Variants in TF observed in about 807,000 individuals in gnomAD.
TF encodes transferrin.
Under a neutral mutation model 82.4 loss-of-function variants are expected in TF, and 55 were observed. The observed-to-expected ratio is 0.67, with a 90% CI of 0.54 to 0.84. The LOEUF (loss-of-function observed/expected upper bound fraction) is 0.84, where lower values mean the gene tolerates loss of function less well. Ranked by LOEUF, TF falls within the 40% of genes least tolerant of loss-of-function variation. The pLI, the probability that TF is intolerant of heterozygous loss-of-function variation, is 0.00. For synonymous variants in TF, 332 were observed against 332.6 expected (o/e 1.00, Z 0.02); for missense variants, 737 against 868.4 (o/e 0.85, Z 1.90).
chr3:133,728,486 C>T, the TF span, among the ~76,000 whole-genome samples: 1 of 152,248 alleles, frequency 6.6e-6, no homozygotes, highest in South Asian at 2.1e-4. Flanking sequence ...AGTTCTTGAG[C>T]CTTGGCTTTC....
At position 133,781,416 on chromosome 3, in the gene TF, T is replaced by C. The variant is rs1934514467; in HGVS notation, c.*2796T>C. 6.6e-6 allele frequency: 1 copy of C among 152,076 alleles called. No homozygotes were observed. The highest frequency in any genetic ancestry group is 2.4e-5 in the African/African-American group (1 of 41,446). 9.4% of individuals were successfully genotyped at this position (152,076 alleles called of 1,614,324 possible). On this transcript the variant is annotated 3_prime_UTR_variant, in exon 17 of 17. Coordinates refer to ENST00000402696, the MANE Select transcript of TF (RefSeq NM_001063.4). The stretch of plus-strand genomic sequence containing the variant: ...AATATTAAAATAAAAAATAACTTTC[T>C]TTTATACAAATAATAGTGAGTTAGG...
Position 133,766,434 on chromosome 3 carries a change from G to T in TF, c.1486+1G>T, listed in dbSNP as rs1934130107. ...AATAAGATCAACCACTGCAGATTTG[G>T]TGAGTGAATATTGGGAAGGAGGGCT... On this transcript the variant is annotated splice_donor_variant, in intron 12 of 16. Transcript: ENST00000402696. LOFTEE classifies it high-confidence loss of function. The T allele has an allele frequency of 1.2e-6, 2 of 1,614,058 alleles. No individual in the cohort carries two copies. The highest frequency in any genetic ancestry group is 1.3e-5 in the African/African-American group (1 of 74,934).
At chr3:133,774,590 C>G (rs1934339113) in intron 14 of TF, 1 of 152,602 alleles carries the variant, frequency 6.6e-6, no homozygotes. Context: ...TGGATGGAAA[C>G]TCGCAAATGT....
the TF span, among the ~76,000 whole-genome samples, chr3:133,716,419 A>G: frequency 6.6e-6 from 1 of 151,926 alleles, no homozygotes; most frequent in Admixed American, 6.6e-5. Flanking sequence ...TCTATTTTTC[A>G]TTTTGGAAAA....
the TF span, among the ~76,000 whole-genome samples, chr3:133,732,379 A>G: frequency 3.3e-5 from 5 of 152,178 alleles, no homozygotes; most frequent in Non-Finnish European, 7.3e-5. Context: ...CGGACCAATC[A>G]GCACTCTGTA....
upstream of TF, among the ~76,000 whole-genome samples, chr3:133,741,862 A>AT (rs1377209284): frequency 1.3e-5 from 2 of 152,092 alleles, no homozygotes; most frequent in African/African-American, 2.4e-5. Flanking sequence ...CATAGAAGTT[A>AT]TTTTTTTATC....
At chr3:133,693,326 G>T in the TF span, among the ~76,000 whole-genome samples, 1 of 151,540 alleles carries the variant, frequency 6.6e-6, no homozygotes, top group African/African-American at 2.4e-5. Flanking sequence ...GCAAGGAAAG[G>T]GTGACTGGGC....
In TF at chr3:133,746,412, T is replaced by G; in HGVS notation, c.-29T>G. On this transcript the variant is annotated 5_prime_UTR_variant, in exon 1 of 17. Transcript: ENST00000402696. Reference sequence around the variant, plus strand: ...GGCTGCACAGAAGCGAGTCCGACTGTGCTCGCTGCTCAGCGCCGCACCCGG... The same window carrying G: ...GGCTGCACAGAAGCGAGTCCGACTGGGCTCGCTGCTCAGCGCCGCACCCGG... The G allele has an allele frequency of 6.3e-7, 1 of 1,589,694 alleles. No individual in the cohort carries two copies. The highest frequency in any genetic ancestry group is 1.1e-5 in the South Asian group (1 of 87,580).
At position 133,757,794 on chromosome 3, in the gene TF, A is replaced by T; in HGVS notation, c.896A>T (p.Lys299Ile). Residue 299 changes from lysine to isoleucine, a missense_variant, in exon 8 of 17, where the codon AAA (lysine) becomes ATA (isoleucine). Physicochemically the swap from Lys to Ile is moderately radical, Grantham distance 102. Transcript: ENST00000402696. ...GAACATTTTGGCAAAGACAAATCAA[A>T]AGAATTCCAACTATTCAGCTCTCCT... Reference protein sequence around the residue: ...AQEHFGKDKSKEFQLFSSPHG... With the variant: ...AQEHFGKDKSIEFQLFSSPHG... 1.2e-6 allele frequency: 2 copies of T among 1,614,234 alleles called. No homozygotes were observed. The highest frequency in any genetic ancestry group is 1.7e-6 in the Non-Finnish European group (2 of 1,180,024).
Position 133,786,370 on chromosome 3 carries a change from G to A in TF, c.*7750G>A, listed in dbSNP as rs973798654. ...TTCATATGTAATGTTGTTTTGGTTGGGGGGGGTGGCCAAACCACCTGTTAA... is the reference window on the plus strand; with the variant it reads ...TTCATATGTAATGTTGTTTTGGTTGAGGGGGGTGGCCAAACCACCTGTTAA... On this transcript the variant is annotated 3_prime_UTR_variant, in exon 17 of 17. Transcript: ENST00000402696. 3 of 151,630 alleles carry A rather than the reference G, an allele frequency of 2.0e-5. No homozygotes were observed. Among genetic ancestry groups the A allele is most frequent in the East Asian group, 2.0e-4 (1 of 5,024 alleles). The allele number at this position is 151,630 out of a possible 1,614,324, so 9.4% of individuals were successfully genotyped here.
the TF span, among the ~76,000 whole-genome samples, chr3:133,703,506 A>T: frequency 6.6e-6 from 1 of 152,156 alleles, no homozygotes; most frequent in Non-Finnish European, 1.5e-5. Flanking sequence ...TATCTAGCTT[A>T]TTGAAGTTTG....
chr3:133,685,062 A>G, the TF span, among the ~76,000 whole-genome samples: 1 of 152,226 alleles, frequency 6.6e-6, no homozygotes, highest in African/African-American at 2.4e-5. Context: ...ATGCAAATCA[A>G]TAAACTAATC....
rs767946137 is a variant in TF at position 133,766,437 on chromosome 3, A to C, written c.1486+4A>C. On this transcript the variant is annotated splice_donor_region_variant and intron_variant, in intron 12 of 16. Coordinates refer to ENST00000402696, the MANE Select transcript of TF (RefSeq NM_001063.4). ...AAGATCAACCACTGCAGATTTGGTG[A>C]GTGAATATTGGGAAGGAGGGCTGGT... 1 of 1,614,066 alleles carries C rather than the reference A, an allele frequency of 6.2e-7. No homozygotes were observed. The highest frequency in any genetic ancestry group is 1.1e-5 in the South Asian group (1 of 91,082).
chr3:133,673,856 TG>T, the TF span, among the ~76,000 whole-genome samples: 2 of 152,232 alleles, frequency 1.3e-5, no homozygotes, highest in Non-Finnish European at 2.9e-5. Context: ...TTCTTAAAAT[TG>T]TATTTAAATT....
chr3:133,766,261 T>C lies in TF; in HGVS notation c.1331-17T>C. The C allele has an allele frequency of 6.2e-7, 1 of 1,613,936 alleles. No individual in the cohort carries two copies. Among genetic ancestry groups the C allele is most frequent in the Non-Finnish European group, 8.5e-7 (1 of 1,179,776 alleles). ...CCAGAGGTGTTAATACATCCTTTTC[T>C]GGTGTCTTTCTTGTAGGGTATTTTG... On this transcript the variant is annotated splice_polypyrimidine_tract_variant and intron_variant, in intron 11 of 16. Transcript: ENST00000402696.
In TF at chr3:133,771,962, A is replaced by C. The variant is rs185831213; in HGVS notation, c.1687+1390A>C. ...TGCCTTCTCTCATGTTCATTCCCCA[A>C]CTCCTCACTTTTCCTGGGCAACTCA... On this transcript the variant is annotated intron_variant, in intron 14 of 16. Coordinates refer to ENST00000402696, the MANE Select transcript of TF (RefSeq NM_001063.4). Among the ~76,000 whole-genome samples, 31 of 151,424 alleles carry C rather than the reference A, an allele frequency of 2.0e-4. No individual in the cohort carries two copies. The East Asian group carries it at 3.9e-3, about 19-fold the overall frequency.
intron 13 of TF, 56 bp from the exon 14 acceptor site, chr3:133,770,452 C>T (rs1418131764): frequency 6.5e-7 from 1 of 1,548,856 alleles, no homozygotes; most frequent in Non-Finnish European, 8.9e-7. Context: ...CCCTGAATGA[C>T]AGATAAGTCA....
Position 133,754,514 on chromosome 3 carries a change from T to C in TF, c.345T>C (p.Tyr115=). ...GSKEDPQTFY[Y]AVAVVKKDSG... Reference sequence around the variant, plus strand: ...TTGCAGATCCACAGACTTTCTATTATGCTGTTGCTGTGGTGAAGAAGGATA... The same window carrying C: ...TTGCAGATCCACAGACTTTCTATTACGCTGTTGCTGTGGTGAAGAAGGATA... The change falls in exon 4 of 17, where the codon TAT becomes TAC. Residue 115 remains tyrosine, a synonymous_variant. Coordinates refer to ENST00000402696, the MANE Select transcript of TF (RefSeq NM_001063.4). The C allele has an allele frequency of 6.2e-7, 1 of 1,614,202 alleles. No homozygotes were observed. Among genetic ancestry groups the C allele is most frequent in the East Asian group, 2.2e-5 (1 of 44,884 alleles).
the TF span, among the ~76,000 whole-genome samples, chr3:133,725,078 A>G: frequency 1.3e-5 from 2 of 152,140 alleles, no homozygotes; most frequent in East Asian, 1.9e-4. Context: ...ATAGTTTGAA[A>G]TCAGGTAGCG....
Sources: allele counts gnomAD v4.1 joint callset (sites outside exome capture counted in the v4.1 genomes callset), GRCh38; gene constraint gnomAD v4.1.1; transcripts MANE v1.5; gene names NCBI Gene and HGNC (gene_info 2026-07-23, HGNC 2026-07-21).